The following PCDHA9 variants were observed in gnomAD, a reference collection of about 807,000 sequenced individuals.
PCDHA9 encodes the protein protocadherin alpha-9.
In PCDHA9, 62 loss-of-function variants were observed where a neutral mutation model predicts 62.0. The ratio of observed to expected loss-of-function variants is 1.00; its 90% CI spans 0.81 to 1.23. The LOEUF (loss-of-function observed/expected upper bound fraction) is 1.23, where lower values mean the gene tolerates loss of function less well. Ranked by LOEUF, PCDHA9 falls within the 50% of genes most tolerant of loss-of-function variation. The probability of loss-of-function intolerance (pLI) is 0.00; values close to 1 mark genes in which losing one functional copy is unlikely to be tolerated. For synonymous variants in PCDHA9, 557 were observed against 567.6 expected, an observed-to-expected ratio of 0.98 and a Z score of 0.27; for missense variants, 1,205 against 1,249.8, an observed-to-expected ratio of 0.96 and a Z score of 0.54.
At chr5:140,968,886 A>G in intron 1 of PCDHA9, 1 of 1,614,186 alleles carries the variant, frequency 6.2e-7, no homozygotes, top group Non-Finnish European at 8.5e-7. Context: ...ATTACCCTTT[A>G]TCTAATAATA....
intron 1 of PCDHA9, chr5:140,883,540 G>A (rs782359917): frequency 1.9e-6 from 3 of 1,614,222 alleles, no homozygotes; most frequent in Non-Finnish European, 2.5e-6. Context: ...ATGAACTGGT[G>A]GTGACCGCGC....
At chr5:140,988,963 G>A (rs1273293184) in intron 3 of PCDHA9, 2 of 152,140 alleles carry the variant, frequency 1.3e-5, no homozygotes, top group African/African-American at 4.8e-5. Flanking sequence ...CAAGCCCCAC[G>A]ATGGAGAGAA....
In PCDHA9 at chr5:140,850,081, A is replaced by G; in HGVS notation, c.1586A>G (p.Glu529Gly). The change falls in exon 1 of 4, where the codon GAG becomes GGG. Residue 529 changes from glutamate to glycine, a missense_variant. This residue lies in a region of PCDHA9 where 887 missense variants were observed against 809.5 expected (regional missense o/e 1.10). Transcript: ENST00000532602. ...CAGCCGTTGGACCACGAGGAGCTGG[A>G]GCTGCTACAGTTCCAGGTGAGCGCG... is the stretch of plus-strand genomic sequence containing the variant. Reference protein sequence around the residue: ...ALQPLDHEELELLQFQVSARD... With the variant: ...ALQPLDHEELGLLQFQVSARD... 6.3e-7 allele frequency: 1 copy of G among 1,596,386 alleles called. No individual in the cohort carries two copies. The highest frequency in any genetic ancestry group is 1.1e-5 in the South Asian group (1 of 90,468).
chr5:140,897,309 A>G (rs1165791921), intron 1 of PCDHA9, among the ~76,000 whole-genome samples: 3 of 148,098 alleles, frequency 2.0e-5, no homozygotes, highest in Non-Finnish European at 3.0e-5. Flanking sequence ...CATTAGGTAT[A>G]TCTCCTAAAG....
At chr5:140,911,892 G>A (rs2075679347) in intron 1 of PCDHA9, among the ~76,000 whole-genome samples, 1 of 152,176 alleles carries the variant, frequency 6.6e-6, no homozygotes. Flanking sequence ...ACCAAAATCT[G>A]TATTAGTCAG....
intron 1 of PCDHA9, chr5:140,862,748 C>A: frequency 3.5e-6 from 2 of 577,558 alleles, no homozygotes; most frequent in East Asian, 9.5e-5. Context: ...TGGGTGCACG[C>A]GGAGAGCGGC....
rs1053041034 is a variant in PCDHA9 at position 141,011,123 on chromosome 5, T to G, written c.*1186T>G. ...CTCTCTCTTTTCTAAGAAACAATTA[T>G]GTGCACTTTGATACACAACCTTCTC... is the stretch of plus-strand genomic sequence containing the variant. On this transcript the variant is annotated 3_prime_UTR_variant, in exon 4 of 4. Coordinates refer to ENST00000532602, the MANE Select transcript of PCDHA9 (RefSeq NM_031857.2). 3 of 153,884 alleles carry G rather than the reference T, an allele frequency of 1.9e-5. No homozygotes were observed. The Admixed American group carries it at 2.0e-4, about 10-fold the overall frequency. The allele number at this position is 153,884 out of a possible 1,614,324, so 9.5% of individuals were successfully genotyped here.
At chr5:140,948,865 C>T (rs1358865868) in intron 1 of PCDHA9, among the ~76,000 whole-genome samples, 4 of 151,324 alleles carry the variant, frequency 2.6e-5, no homozygotes, top group African/African-American at 4.8e-5. Flanking sequence ...TATATTACTT[C>T]GGGTTTACTT....
intron 3 of PCDHA9, among the ~76,000 whole-genome samples, chr5:140,986,398 G>A (rs973049448): frequency 7.2e-5 from 11 of 152,174 alleles, no homozygotes; most frequent in African/African-American, 2.4e-4. Flanking sequence ...AGGGCCAGTC[G>A]CTCATGTTAC....
At position 140,849,341 on chromosome 5, in the gene PCDHA9, C is replaced by G; in HGVS notation, c.846C>G (p.Ser282=). 1 of 1,407,916 alleles carries G rather than the reference C, an allele frequency of 7.1e-7. No homozygotes were observed. The highest frequency in any genetic ancestry group is 1.6e-5 in the African/African-American group (1 of 63,124). The allele number at this position is 1,407,916 out of a possible 1,614,324, so 87.2% of individuals were successfully genotyped here. ...GLNGDIIYSF[S]SDVSPDIKSK... ...ATGGGGATATTATTTACTCCTTCTCCAGTGATGTTTCTCCAGATATAAAAT... is the reference window on the plus strand; with the variant it reads ...ATGGGGATATTATTTACTCCTTCTCGAGTGATGTTTCTCCAGATATAAAAT... The change falls in exon 1 of 4, where the codon TCC becomes TCG. Residue 282 remains serine (S), a synonymous_variant. Coordinates refer to ENST00000532602, the MANE Select transcript of PCDHA9 (RefSeq NM_031857.2).
In PCDHA9 at chr5:141,011,970, C is replaced by T. The variant is rs975637071; in HGVS notation, c.*2033C>T. ...AGCATTAAATTTAAAAAAAAACTGT[C>T]TTGTCTACTTTTAGCTTCATTCTCC... On this transcript the variant is annotated 3_prime_UTR_variant, in exon 4 of 4. Coordinates refer to ENST00000532602, the MANE Select transcript of PCDHA9 (RefSeq NM_031857.2). 6.5e-6 allele frequency: 1 copy of T among 153,576 alleles called. No homozygotes were observed. Among genetic ancestry groups the T allele is most frequent in the African/African-American group, 2.4e-5 (1 of 41,406 alleles). The allele number at this position is 153,576 out of a possible 1,614,324, so 9.5% of individuals were successfully genotyped here.
At chr5:140,851,162 G>C in intron 1 of PCDHA9, 1 of 1,294,640 alleles carries the variant, frequency 7.7e-7, no homozygotes, top group African/African-American at 1.5e-5. Context: ...CTGATGCTAT[G>C]CTGCCATAAC....
intron 1 of PCDHA9, among the ~76,000 whole-genome samples, chr5:140,958,627 T>C (rs1183042351): frequency 6.6e-6 from 1 of 152,128 alleles, no homozygotes; most frequent in African/African-American, 2.4e-5. Flanking sequence ...AGCTTGAGAG[T>C]ACTGCAGAAA....
Position 140,849,071 on chromosome 5 carries a change from T to C in PCDHA9, c.576T>C (p.Leu192=), listed in dbSNP as rs2150430032. The change falls in exon 1 of 4, where the codon CTT becomes CTC. Residue 192 remains leucine, a synonymous_variant. Transcript: ENST00000532602. ...VPTSNQQVKP[L]GLVLRKLLDR... Reference sequence around the variant, plus strand: ...CCAGCAACCAGCAGGTAAAACCTCTTGGACTTGTATTACGGAAACTTTTAG... The same window carrying C: ...CCAGCAACCAGCAGGTAAAACCTCTCGGACTTGTATTACGGAAACTTTTAG... 6.5e-7 allele frequency: 1 copy of C among 1,532,554 alleles called. No individual in the cohort carries two copies. Among genetic ancestry groups the C allele is most frequent in the Non-Finnish European group, 8.9e-7 (1 of 1,128,220 alleles). The allele number at this position is 1,532,554 out of a possible 1,614,324, so 94.9% of individuals were successfully genotyped here. A position where few individuals can be genotyped will look rare whatever the true frequency, so the allele number is the denominator to read the frequency against.
At position 140,883,003 on chromosome 5, in the gene PCDHA9, C is replaced by G. The variant is rs781977743; in HGVS notation, c.2394+32114C>G. 3.1e-6 allele frequency: 5 copies of G among 1,613,932 alleles called. No homozygotes were observed. The African/African-American group carries it at 5.3e-5, about 17-fold the overall frequency. On this transcript the variant is annotated intron_variant, in intron 1 of 3. Coordinates refer to ENST00000532602, the MANE Select transcript of PCDHA9 (RefSeq NM_031857.2). ...ACAACGCCCCGGAATTTTACCAATC[C>G]GTTTATAAAGTGACGGTGTTAGAGA... is the stretch of plus-strand genomic sequence containing the variant.
intron 1 of PCDHA9, chr5:140,862,517 T>C (rs962060354): frequency 3.9e-5 from 16 of 410,600 alleles, no homozygotes; most frequent in African/African-American, 2.9e-4. Flanking sequence ...GCTTTCATTG[T>C]TGGCCACAGC....
In PCDHA9 at chr5:140,883,748, C is replaced by T. The variant is rs782541066; in HGVS notation, c.2394+32859C>T. The T allele has an allele frequency of 4.3e-6, 7 of 1,613,146 alleles. No individual in the cohort carries two copies. The East Asian group carries it at 1.6e-4, about 36-fold the overall frequency. On this transcript the variant is annotated intron_variant, in intron 1 of 3. Transcript: ENST00000532602. ...GGAGAACGCGCTGGTCTCCTACTCG[C>T]TGGTGGAGCGGCGGGTGGGCGAGCG... is the stretch of plus-strand genomic sequence containing the variant.
intron 1 of PCDHA9, among the ~76,000 whole-genome samples, chr5:140,946,629 T>TATATATATATATATATATATATATATAC (rs1367833800): frequency 2.4e-5 from 3 of 123,274 alleles, no homozygotes; most frequent in Non-Finnish European, 3.6e-5. Context: ...TATATATATA[T>TATATATATATATATATATATATATATAC]ATACAATGGA....
At chr5:140,871,735 A>T in intron 1 of PCDHA9, 1 of 686,792 alleles carries the variant, frequency 1.5e-6, no homozygotes, top group Non-Finnish European at 2.3e-6. Context: ...TTTGGTTAGC[A>T]AATCCTAAAA....
Sources: gnomAD v4.1 joint callset for allele counts (sites outside exome capture counted in the v4.1 genomes callset) on GRCh38, gnomAD v4.1.1 for gene constraint, gnomAD v4.1.1 regional missense constraint, MANE v1.5 for transcripts, NCBI Gene and HGNC (gene_info 2026-07-23, HGNC 2026-07-21) for gene names.